ATG13: variants seen among roughly 807,000 people sequenced by gnomAD.
The protein encoded by ATG13 is autophagy-related protein 13.
In ATG13, 23 loss-of-function variants were observed where a neutral mutation model predicts 65.5. The observed-to-expected ratio is 0.35, with a 90% CI of 0.25 to 0.50. The LOEUF (loss-of-function observed/expected upper bound fraction) is 0.50. ATG13 is among the 20% of genes least tolerant of loss of function. ATG13 has a pLI of 0.98. For synonymous variants in ATG13, 252 were observed against 245.2 expected, an observed-to-expected ratio of 1.03 and a Z score of -0.26; for missense variants, 566 against 677.0, an observed-to-expected ratio of 0.84 and a Z score of 1.82.
intron 11 of ATG13, among the ~76,000 whole-genome samples, chr11:46,663,535 C>G (rs1053516636): frequency 3.9e-5 from 6 of 152,270 alleles, no homozygotes; most frequent in Admixed American, 3.9e-4. Flanking sequence ...TGAAACTGTC[C>G]TGCAGATTCT....
At chr11:46,658,295 T>C (rs989489232) in intron 10 of ATG13, among the ~76,000 whole-genome samples, 2 of 152,186 alleles carry the variant, frequency 1.3e-5, no homozygotes, top group African/African-American at 2.4e-5. Context: ...ACTTGTGAAA[T>C]TGAATAGGCT....
intron 1 of ATG13, among the ~76,000 whole-genome samples, chr11:46,624,960 G>T (rs1210136250): frequency 6.6e-6 from 1 of 152,082 alleles, no homozygotes; most frequent in Admixed American, 6.6e-5. Flanking sequence ...GGTCCAGGCT[G>T]CAGTGAGCCA....
chr11:46,629,727 A>G (rs1360856105), intron 1 of ATG13, among the ~76,000 whole-genome samples: 1 of 152,032 alleles, frequency 6.6e-6, no homozygotes, highest in Non-Finnish European at 1.5e-5. Context: ...AGCACTTAAT[A>G]CTTTCAAACA....
chr11:46,637,750 C>T (rs1041649123), intron 2 of ATG13, among the ~76,000 whole-genome samples: 4 of 152,114 alleles, frequency 2.6e-5, no homozygotes, highest in East Asian at 3.8e-4. Flanking sequence ...GACTCAGAAG[C>T]GGACAGAGGA....
intron 13 of ATG13, 55 bp downstream of exon 13, chr11:46,665,014 G>C: frequency 6.7e-7 from 1 of 1,499,240 alleles, no homozygotes; most frequent in Non-Finnish European, 9.2e-7. Flanking sequence ...CCCCTGCCCG[G>C]AGGCAATTGA....
At chr11:46,636,379 A>G (rs2053962092) in intron 2 of ATG13, among the ~76,000 whole-genome samples, 1 of 151,912 alleles carries the variant, frequency 6.6e-6, no homozygotes, top group African/African-American at 2.4e-5. Context: ...AACACAGTGA[A>G]ACCCCGTCTC....
At chr11:46,653,717 C>T (rs995502529) in intron 7 of ATG13, among the ~76,000 whole-genome samples, 1 of 151,480 alleles carries the variant, frequency 6.6e-6, no homozygotes, top group African/African-American at 2.4e-5. Flanking sequence ...CTACAGGCAC[C>T]CGCCACCACG....
chr11:46,620,013 C>T (rs376218109), intron 1 of ATG13, among the ~76,000 whole-genome samples: 6 of 143,406 alleles, frequency 4.2e-5, no homozygotes, highest in South Asian at 2.3e-4. Flanking sequence ...CGGGAGACAG[C>T]GCCCCTCTGT....
At chr11:46,653,592 C>T (rs184492718) in intron 7 of ATG13, among the ~76,000 whole-genome samples, 2 of 149,284 alleles carry the variant, frequency 1.3e-5, no homozygotes, top group East Asian at 2.0e-4. Context: ...TTTTTTGAGA[C>T]GGAGTCTCGC....
In ATG13 at chr11:46,620,813, G is replaced by C. The variant is rs193048954; in HGVS notation, c.-70+2923G>C. 3.2e-3 allele frequency among the ~76,000 whole-genome samples: 493 copies of C among 152,126 alleles called. 7 individuals are homozygous for C. Among genetic ancestry groups the C allele is most frequent in the Non-Finnish European group, 4.4e-3 (297 of 67,990 alleles). On this transcript the variant is annotated intron_variant, in intron 1 of 18. Transcript: ENST00000683050. ...AACAACTCAATTAACGTGCATGGTT[G>C]ACTTAACAGGGTCTCCTCAGTAAAA...
intron 5 of ATG13, among the ~76,000 whole-genome samples, chr11:46,647,980 C>T (rs1376434861): frequency 6.6e-6 from 1 of 152,050 alleles, no homozygotes; most frequent in Non-Finnish European, 1.5e-5. Flanking sequence ...GATACTGTTT[C>T]AATGTATTTT....
At chr11:46,652,389 G>A (rs1305619661) in intron 7 of ATG13, among the ~76,000 whole-genome samples, 2 of 152,106 alleles carry the variant, frequency 1.3e-5, no homozygotes, top group Non-Finnish European at 2.9e-5. Context: ...TTTTTATACT[G>A]TTGTTAGAAG....
Position 46,672,958 on chromosome 11 carries a change from T to G in ATG13, c.*626T>G. Reference sequence around the variant, plus strand: ...CCAAAACCACTCCCACCCCTGAAGGTCGGGAGGGTCTGAGCAGCCCTGGTG... The same window carrying G: ...CCAAAACCACTCCCACCCCTGAAGGGCGGGAGGGTCTGAGCAGCCCTGGTG... On this transcript the variant is annotated 3_prime_UTR_variant, in exon 19 of 19. Transcript: ENST00000683050. 1 of 510,490 alleles carries G rather than the reference T, an allele frequency of 2.0e-6. No individual in the cohort carries two copies. Among genetic ancestry groups the G allele is most frequent in the Non-Finnish European group, 3.0e-6 (1 of 330,566 alleles). The allele number at this position is 510,490 out of a possible 1,614,324, so 31.6% of individuals were successfully genotyped here.
chr11:46,620,723 C>G (rs2047211431), intron 1 of ATG13, among the ~76,000 whole-genome samples: 1 of 151,830 alleles, frequency 6.6e-6, no homozygotes, highest in African/African-American at 2.4e-5. Flanking sequence ...TGCTGTGAGC[C>G]GAGATCATGC....
chr11:46,640,770 C>G (rs537749170), intron 2 of ATG13, among the ~76,000 whole-genome samples: 23 of 152,318 alleles, frequency 1.5e-4, no homozygotes, highest in African/African-American at 5.5e-4. Context: ...AGATGAGATA[C>G]TACCAGATAC....
rs1166522142 is a variant in ATG13, at chr11:46,629,386, G to A, written c.-69-659G>A. On this transcript the variant is annotated intron_variant, in intron 1 of 18. Coordinates refer to ENST00000683050, the MANE Select transcript of ATG13 (RefSeq NM_001346311.2). Reference sequence around the variant, plus strand: ...ATTCATCTATTTGTGTTCACAAGGAGGTTTTTGTTTTTGTTTTTGTTTTTT... The same window carrying A: ...ATTCATCTATTTGTGTTCACAAGGAAGTTTTTGTTTTTGTTTTTGTTTTTT... 2.0e-5 allele frequency among the ~76,000 whole-genome samples: 3 copies of A among 151,986 alleles called. No homozygotes were observed. In the East Asian group the frequency reaches 5.8e-4, roughly 29 times the overall value.
At chr11:46,623,614 A>T (rs1591425400) in intron 1 of ATG13, among the ~76,000 whole-genome samples, 1 of 151,614 alleles carries the variant, frequency 6.6e-6, no homozygotes. Flanking sequence ...TTTTAGTAGA[A>T]ATGGGGTTTC....
chr11:46,622,494 C>G lies in ATG13; in HGVS notation c.-70+4604C>G, dbSNP rs959836934. ...AATATAAACAAGAAACTGATTCACT[C>G]CCTTACTTCATGCATTCATCATCTA... is the stretch of plus-strand genomic sequence containing the variant. On this transcript the variant is annotated intron_variant, in intron 1 of 18. Coordinates refer to ENST00000683050, the MANE Select transcript of ATG13 (RefSeq NM_001346311.2). Among the ~76,000 whole-genome samples, 32 of 152,116 alleles carry G rather than the reference C, an allele frequency of 2.1e-4. 1 individual carries two copies. The highest frequency in any genetic ancestry group is 1.3e-4 in the Admixed American group (2 of 15,258).
At chr11:46,645,272 C>A (rs1036012801) in intron 3 of ATG13, 67 bp from the exon 4 acceptor site, 1 of 1,401,578 alleles carries the variant, frequency 7.1e-7, no homozygotes, top group South Asian at 1.3e-5. Flanking sequence ...TAACCCTGAT[C>A]GGGAGCCAGA....
Sources: gnomAD v4.1 joint callset for allele counts (sites outside exome capture counted in the v4.1 genomes callset) on GRCh38, gnomAD v4.1.1 for gene constraint, MANE v1.5 for transcripts, NCBI Gene and HGNC (gene_info 2026-07-23, HGNC 2026-07-21) for gene names.